EYA1: variants seen among roughly 807,000 people sequenced by gnomAD.
The protein encoded by EYA1 is protein phosphatase EYA1.
A neutral mutation model predicts 82.0 loss-of-function variants in EYA1; 16 were observed. That is an observed-to-expected ratio of 0.20 (90% confidence interval 0.13 to 0.30). The LOEUF is 0.30. Ranked by LOEUF, EYA1 falls within the 10% of genes least tolerant of loss-of-function variation. The probability of loss-of-function intolerance (pLI) is 1.00; values close to 1 mark genes in which losing one functional copy is unlikely to be tolerated. For missense variants in EYA1, 633 were observed against 730.7 expected, an observed-to-expected ratio of 0.87 and a Z score of 1.54; for synonymous variants, 261 against 264.4, an observed-to-expected ratio of 0.99 and a Z score of 0.12.
At chr8:71,375,804 T>G (rs1192007265) in intron 2 of EYA1, among the ~76,000 whole-genome samples, 1 of 152,022 alleles carries the variant, frequency 6.6e-6, no homozygotes, top group Non-Finnish European at 1.5e-5. Flanking sequence ...AATTTTTGTA[T>G]TTTTAGTAGA....
At chr8:71,500,864 C>T (rs1282595895) in intron 2 of EYA1, among the ~76,000 whole-genome samples, 1 of 152,116 alleles carries the variant, frequency 6.6e-6, no homozygotes, top group Non-Finnish European at 1.5e-5. Context: ...AGATTCCTTA[C>T]CTCAGCCAAA....
rs144504107 is a variant in EYA1, at chr8:71,212,906, G to A, written c.1598-1650C>T. Among the ~76,000 whole-genome samples, 998 of 152,138 alleles carry A rather than the reference G, an allele frequency of 6.6e-3. 9 individuals are homozygous for A. Among genetic ancestry groups the A allele is most frequent in the African/African-American group, 0.021 (864 of 41,510 alleles). On this transcript the variant is annotated intron_variant, in intron 16 of 17. Coordinates refer to ENST00000340726, the MANE Select transcript of EYA1 (RefSeq NM_000503.6). ...AGCCTGGCTAACATGGAGAAACCCCGTCTCTACTAAAAATACAAAAATTAG... is the reference window on the plus strand; with the variant it reads ...AGCCTGGCTAACATGGAGAAACCCCATCTCTACTAAAAATACAAAAATTAG...
chr8:71,345,074 G>A (rs1825556409), intron 3 of EYA1, among the ~76,000 whole-genome samples: 2 of 152,186 alleles, frequency 1.3e-5, no homozygotes, highest in Non-Finnish European at 1.5e-5. Flanking sequence ...CTCACCTGGA[G>A]ACATTACAGT....
At chr8:71,387,776 C>G (rs2129106580) in intron 2 of EYA1, among the ~76,000 whole-genome samples, 1 of 152,074 alleles carries the variant, frequency 6.6e-6, no homozygotes, top group South Asian at 2.1e-4. Flanking sequence ...TTTCAGCTAT[C>G]CAAATCTTTG....
At chr8:71,468,011 G>A (rs1480481804) in intron 2 of EYA1, among the ~76,000 whole-genome samples, 1 of 152,134 alleles carries the variant, frequency 6.6e-6, no homozygotes. Flanking sequence ...CAAGGGCAAA[G>A]TCTTGATGGT....
intron 2 of EYA1, among the ~76,000 whole-genome samples, chr8:71,511,150 A>G (rs1414885437): frequency 6.6e-6 from 1 of 152,206 alleles, no homozygotes; most frequent in Non-Finnish European, 1.5e-5. Flanking sequence ...ATGGTGCTAA[A>G]AAAAAATAAG....
At chr8:71,429,255 G>A (rs1008067442) in intron 2 of EYA1, among the ~76,000 whole-genome samples, 4 of 152,074 alleles carry the variant, frequency 2.6e-5, no homozygotes, top group Non-Finnish European at 4.4e-5. Context: ...GATTTATAGT[G>A]CAGACCTATC....
intron 9 of EYA1, among the ~76,000 whole-genome samples, chr8:71,297,910 A>G (rs1406162635): frequency 2.6e-5 from 4 of 152,208 alleles, no homozygotes; most frequent in African/African-American, 9.6e-5. Context: ...AAAAATATTT[A>G]AAGTTAAAAT....
intron 2 of EYA1, among the ~76,000 whole-genome samples, chr8:71,494,465 A>G (rs929916695): frequency 3.9e-5 from 6 of 152,202 alleles, no homozygotes; most frequent in African/African-American, 1.4e-4. Context: ...GTTAAGATAA[A>G]TTATTTTTAC....
At chr8:71,426,838 G>T (rs1403441403) in intron 2 of EYA1, among the ~76,000 whole-genome samples, 3 of 152,060 alleles carry the variant, frequency 2.0e-5, no homozygotes, top group Non-Finnish European at 4.4e-5. Flanking sequence ...TTGCTTTTAA[G>T]AAAAATGGCT....
At chr8:71,493,629 T>G (rs1412117124) in intron 2 of EYA1, among the ~76,000 whole-genome samples, 1 of 152,118 alleles carries the variant, frequency 6.6e-6, no homozygotes, top group Non-Finnish European at 1.5e-5. Flanking sequence ...GGAAAGAATT[T>G]TCATTACTTT....
intron 7 of EYA1, among the ~76,000 whole-genome samples, chr8:71,312,434 ATTAT>A (rs1160882936): frequency 2.0e-5 from 3 of 152,114 alleles, no homozygotes; most frequent in Non-Finnish European, 4.4e-5. Flanking sequence ...TCAGGTTCTT[ATTAT>A]TTATTTATTA....
chr8:71,323,201 G>A (rs969079734), intron 4 of EYA1, among the ~76,000 whole-genome samples: 4 of 151,880 alleles, frequency 2.6e-5, no homozygotes, highest in African/African-American at 7.3e-5. Context: ...ACATATTTAC[G>A]TTTATGGGTA....
intron 2 of EYA1, among the ~76,000 whole-genome samples, chr8:71,441,837 C>T (rs952555197): frequency 2.0e-5 from 3 of 152,202 alleles, no homozygotes; most frequent in Admixed American, 1.3e-4. Context: ...TAGATTACGT[C>T]ATGAGGTCAG....
At chr8:71,502,582 A>G (rs1345378541) in intron 2 of EYA1, among the ~76,000 whole-genome samples, 1 of 152,234 alleles carries the variant, frequency 6.6e-6, no homozygotes, top group African/African-American at 2.4e-5. Flanking sequence ...AAAAAATTTT[A>G]TTTGTTGTTT....
chr8:71,387,866 A>G (rs1829053005), intron 2 of EYA1, among the ~76,000 whole-genome samples: 1 of 152,168 alleles, frequency 6.6e-6, no homozygotes, highest in South Asian at 2.1e-4. Context: ...GCAGTGGAGA[A>G]CAATTAGGGT....
intron 3 of EYA1, among the ~76,000 whole-genome samples, chr8:71,353,511 C>A (rs1417512518): frequency 6.6e-6 from 1 of 152,054 alleles, no homozygotes; most frequent in African/African-American, 2.4e-5. Context: ...TTTGATAGTA[C>A]CCATTTTCAT....
chr8:71,227,129 T>C (rs1250481802), intron 12 of EYA1, among the ~76,000 whole-genome samples: 10 of 152,154 alleles, frequency 6.6e-5, no homozygotes, highest in Non-Finnish European at 1.3e-4. Flanking sequence ...TGTAAGCTAA[T>C]TATCATTCAG....
chr8:71,281,344 C>G (rs1817795650), intron 9 of EYA1, among the ~76,000 whole-genome samples: 1 of 152,198 alleles, frequency 6.6e-6, no homozygotes, highest in Non-Finnish European at 1.5e-5. Flanking sequence ...CACCATTCGG[C>G]ACCTTTCTCC....
Sources: gnomAD v4.1 joint callset for allele counts (sites outside exome capture counted in the v4.1 genomes callset) on GRCh38, gnomAD v4.1.1 for gene constraint, MANE v1.5 for transcripts, NCBI Gene and HGNC (gene_info 2026-07-23, HGNC 2026-07-21) for gene names.